The following PDS5B variants were observed in gnomAD, a reference collection of about 807,000 sequenced individuals.
The protein encoded by PDS5B is PDS5 cohesin associated factor B.
PDS5B carries 51 observed loss-of-function variants against 184.1 expected under a neutral mutation model. The ratio of observed to expected loss-of-function variants is 0.28; its 90% confidence interval spans 0.22 to 0.35. The LOEUF is 0.35. Ranked by LOEUF, PDS5B falls within the 10% of genes least tolerant of loss-of-function variation. The probability of loss-of-function intolerance (pLI) is 1.00; values close to 1 mark genes in which losing one functional copy is unlikely to be tolerated. For synonymous variants in PDS5B, 566 were observed against 569.2 expected (o/e 0.99, Z 0.08); for missense variants, 1,180 against 1,723.3 (o/e 0.68, Z 5.58).
chr13:32,753,607 A>C, intron 25 of PDS5B, 71 bp downstream of exon 25: 1 of 911,116 alleles, frequency 1.1e-6, no homozygotes, highest in Non-Finnish European at 1.7e-6. Flanking sequence ...ATATAGCATG[A>C]TATATGATAT....
intron 20 of PDS5B, 127 bp from the exon 21 acceptor site, chr13:32,735,045 G>C (rs771370645): frequency 1.9e-6 from 1 of 535,536 alleles, no homozygotes; most frequent in African/African-American, 2.0e-5. Context: ...TGAAATTTTT[G>C]TAGTTTTTAT....
intron 13 of PDS5B, chr13:32,691,017 A>G (rs1951532741): frequency 6.6e-6 from 1 of 152,036 alleles, no homozygotes; most frequent in South Asian, 2.1e-4. Context: ...TTAATTATGT[A>G]ATAATAAAGA....
chr13:32,602,761 G>A (rs1169421819), intron 1 of PDS5B, among the ~76,000 whole-genome samples: 1 of 152,116 alleles, frequency 6.6e-6, no homozygotes, highest in African/African-American at 2.4e-5. Flanking sequence ...AGCACCTGTT[G>A]TTTCCTGACT....
chr13:32,750,026 T>G (rs1792665091), intron 24 of PDS5B, among the ~76,000 whole-genome samples: 1 of 152,208 alleles, frequency 6.6e-6, no homozygotes, highest in Non-Finnish European at 1.5e-5. Flanking sequence ...ATTTGAAGAC[T>G]TCCTCAGTTC....
chr13:32,641,830 G>C (rs539804765), intron 1 of PDS5B, among the ~76,000 whole-genome samples: 1 of 152,216 alleles, frequency 6.6e-6, no homozygotes, highest in South Asian at 2.1e-4. Context: ...AACTTTAGAT[G>C]TATAATCTAC....
At chr13:32,659,585 A>G (rs767352366) in intron 6 of PDS5B, among the ~76,000 whole-genome samples, 7 of 152,192 alleles carry the variant, frequency 4.6e-5, no homozygotes, top group Non-Finnish European at 8.8e-5. Flanking sequence ...TTGTCAGAAG[A>G]TGGAACCAAG....
At chr13:32,648,920 A>G in intron 2 of PDS5B, 40 bp downstream of exon 2, 2 of 910,554 alleles carry the variant, frequency 2.2e-6, no homozygotes, top group East Asian at 4.8e-5. Context: ...TGTGTAGGGC[A>G]GAGGTCCCCT....
intron 1 of PDS5B, among the ~76,000 whole-genome samples, chr13:32,617,037 G>A (rs904192710): frequency 2.0e-5 from 3 of 151,968 alleles, no homozygotes; most frequent in Admixed American, 6.6e-5. Flanking sequence ...CAGTCTTTGC[G>A]TAGAGAACTC....
intron 10 of PDS5B, among the ~76,000 whole-genome samples, chr13:32,680,495 G>A (rs1456090452): frequency 1.3e-5 from 2 of 152,194 alleles, no homozygotes; most frequent in Non-Finnish European, 2.9e-5. Flanking sequence ...AGAATGATGG[G>A]TTTCTGCATT....
Position 32,741,070 on chromosome 13 carries a change from T to C in PDS5B, c.2407-10T>C. ...TCCCTGGTTTTTTTTTTTTTCTCGT[T>C]TATTTTTAGCTTCCAGGGAAAAAGA... On this transcript the variant is annotated splice_polypyrimidine_tract_variant and intron_variant, in intron 21 of 34. Coordinates refer to ENST00000315596, the MANE Select transcript of PDS5B (RefSeq NM_015032.4). The C allele has an allele frequency of 6.9e-7, 1 of 1,445,844 alleles. No homozygotes were observed. Among genetic ancestry groups the C allele is most frequent in the Non-Finnish European group, 9.6e-7 (1 of 1,043,848 alleles). 89.6% of individuals were successfully genotyped at this position (1,445,844 alleles called of 1,614,324 possible).
chr13:32,745,324 T>G (rs1953704225), intron 23 of PDS5B, among the ~76,000 whole-genome samples: 1 of 152,184 alleles, frequency 6.6e-6, no homozygotes. Flanking sequence ...ATGTAAAACC[T>G]AACAACTAAA....
intron 19 of PDS5B, among the ~76,000 whole-genome samples, chr13:32,715,487 T>G (rs115902939): frequency 6.6e-6 from 1 of 152,184 alleles, no homozygotes; most frequent in Non-Finnish European, 1.5e-5. Flanking sequence ...CTTTTAGATA[T>G]GGCTATGTAA....
At chr13:32,685,215 G>T (rs1951351406) in intron 11 of PDS5B, among the ~76,000 whole-genome samples, 1 of 152,100 alleles carries the variant, frequency 6.6e-6, no homozygotes, top group Non-Finnish European at 1.5e-5. Flanking sequence ...AGAAGCACAT[G>T]GTTTTCCCTT....
At chr13:32,623,249 A>G (rs568143027) in intron 1 of PDS5B, among the ~76,000 whole-genome samples, 1 of 152,314 alleles carries the variant, frequency 6.6e-6, no homozygotes, top group South Asian at 2.1e-4. Context: ...GATGTTATCT[A>G]TAAGAGCAAT....
intron 16 of PDS5B, among the ~76,000 whole-genome samples, chr13:32,700,704 A>T (rs149430839): frequency 6.6e-6 from 1 of 152,044 alleles, no homozygotes; most frequent in African/African-American, 2.4e-5. Context: ...TTTACATACC[A>T]TAGTTTCTAT....
chr13:32,646,315 G>C lies in PDS5B; in HGVS notation c.-19-2439G>C, dbSNP rs1314590058. On this transcript the variant is annotated intron_variant, in intron 1 of 34. Transcript: ENST00000315596. ...AACCATCATGCCCATCCAGATGTTT[G>C]TAATGTTAATCCATATTATTGTGTG... is the stretch of plus-strand genomic sequence containing the variant. Among the ~76,000 whole-genome samples the C allele has an allele frequency of 2.7e-5, 4 of 145,806 alleles. No individual in the cohort carries two copies. In the South Asian group the frequency reaches 9.0e-4, roughly 33 times the overall value.
intron 1 of PDS5B, among the ~76,000 whole-genome samples, chr13:32,590,963 TAA>T (rs561927231): frequency 7.1e-6 from 1 of 141,736 alleles, no homozygotes. Flanking sequence ...AGGTATATGG[TAA>T]AAAAAAAAAA....
At chr13:32,773,431 AG>A in intron 34 of PDS5B, 107 bp downstream of exon 34, 1 of 951,560 alleles carries the variant, frequency 1.1e-6, no homozygotes, top group Middle Eastern at 2.4e-4. Context: ...TTACTTCATT[AG>A]TTCATAGCAT....
chr13:32,615,036 A>G (rs915516071), intron 1 of PDS5B, among the ~76,000 whole-genome samples: 2 of 152,248 alleles, frequency 1.3e-5, no homozygotes, highest in Admixed American at 6.5e-5. Flanking sequence ...TTATGTAACC[A>G]GCATTCAGAT....
Sources: gnomAD v4.1 joint callset for allele counts (sites outside exome capture counted in the v4.1 genomes callset) on GRCh38, gnomAD v4.1.1 for gene constraint, MANE v1.5 for transcripts, NCBI Gene and HGNC (gene_info 2026-07-23, HGNC 2026-07-21) for gene names.